Variants in ZNF718 observed in about 807,000 individuals in gnomAD.
ZNF718 encodes zinc finger protein 718.
ZNF718 carries 3 observed loss-of-function variants against 2.6 expected under a neutral mutation model. The ratio of observed to expected loss-of-function variants is 1.16; its 90% CI spans 0.53 to 3.01. ZNF718 has a LOEUF of 3.01. Among genes scored for constraint, ZNF718 ranks in the 30% most tolerant of loss-of-function variants. ZNF718 has a pLI of 0.03. For missense variants in ZNF718, 468 were observed against 230.0 expected (o/e 2.03, Z -6.69); for synonymous variants, 135 against 77.9 (o/e 1.73, Z -3.86).
chr4:157,103 C>CTTTTTTTCTTTTTTT (rs1716606285), intron 3 of ZNF718, among the ~76,000 whole-genome samples: 2 of 103,150 alleles, frequency 1.9e-5, no homozygotes, highest in Non-Finnish European at 3.9e-5. Context: ...TTCTTTCTTT[C>CTTTTTTTCTTTTTTT]TTTTTTTTTT....
At chr4:170,802 T>A (rs962830241) in intron 3 of ZNF718, among the ~76,000 whole-genome samples, 36 of 152,278 alleles carry the variant, frequency 2.4e-4, no homozygotes, top group Non-Finnish European at 3.8e-4. Flanking sequence ...ACTTCCTCCT[T>A]TAGTTCGGAG....
chr4:155,262 G>T (rs1314530457), intron 3 of ZNF718, among the ~76,000 whole-genome samples: 2 of 152,284 alleles, frequency 1.3e-5, no homozygotes, highest in Middle Eastern at 3.4e-3. Context: ...GTCCCCACTG[G>T]GGCACTGCCT....
intron 3 of ZNF718, among the ~76,000 whole-genome samples, chr4:160,528 G>T (rs1250654256): frequency 6.6e-6 from 1 of 152,054 alleles, no homozygotes; most frequent in African/African-American, 2.4e-5. Context: ...TATTAGATTT[G>T]TAAAGTATAT....
chr4:131,425 A>T lies in ZNF718; in HGVS notation c.146A>T (p.Asn49Ile). 1.9e-6 allele frequency: 1 copy of T among 518,182 alleles called. No homozygotes were observed. The highest frequency in any genetic ancestry group is 3.0e-6 in the Non-Finnish European group (1 of 331,876). 32.1% of individuals were successfully genotyped at this position (518,182 alleles called of 1,614,324 possible). Residue 49 changes from asparagine (N) to isoleucine (I), a missense_variant, in exon 3 of 4, where the codon AAC becomes ATC. Asn to Ile is a moderately radical substitution (Grantham distance 149). Transcript: ENST00000510175. ...NLVSLGVSIS[N>I]PDLVTSLEQR... ...AATAAAACAGGTGTTAGTATCTCTA[A>T]CCCAGACCTGGTCACCAGTCTGGAG...
At chr4:138,887 A>T (rs1312403263) in intron 3 of ZNF718, among the ~76,000 whole-genome samples, 1 of 152,148 alleles carries the variant, frequency 6.6e-6, no homozygotes, top group Non-Finnish European at 1.5e-5. Flanking sequence ...TCTGATGATA[A>T]ATAATGTTGA....
chr4:161,540 T>G lies in ZNF718; in HGVS notation c.855T>G (p.Cys285Trp). 1.3e-6 allele frequency: 1 copy of G among 780,830 alleles called. No homozygotes were observed. The highest frequency in any genetic ancestry group is 2.4e-6 in the Non-Finnish European group (1 of 417,988). 48.4% of individuals were successfully genotyped at this position (780,830 alleles called of 1,614,324 possible). A position where few individuals can be genotyped will look rare whatever the true frequency, so the allele number is the denominator to read the frequency against. Residue 285 changes from cysteine to tryptophan, a missense_variant, in exon 4 of 4, where the codon TGT becomes TGG. Physicochemically the swap from Cys to Trp is radical, Grantham distance 215. Coordinates refer to ENST00000510175, the MANE Select transcript of ZNF718 (RefSeq NM_001039127.6). The part of the protein sequence containing the change: ...RIHSAQKYYK[C>W]EECGKAFKWS... Reference sequence around the variant, plus strand: ...ATTCTGCACAAAAATACTACAAATGTGAAGAATGTGGTAAAGCCTTTAAGT... The same window carrying G: ...ATTCTGCACAAAAATACTACAAATGGGAAGAATGTGGTAAAGCCTTTAAGT...
intron 3 of ZNF718, among the ~76,000 whole-genome samples, chr4:147,985 G>A (rs981217946): frequency 6.6e-6 from 1 of 152,180 alleles, no homozygotes; most frequent in Non-Finnish European, 1.5e-5. Context: ...CATTGGACAG[G>A]TTCCTGGAAG....
intron 3 of ZNF718, among the ~76,000 whole-genome samples, chr4:159,024 TC>T (rs200132237): frequency 1.4e-5 from 2 of 147,476 alleles, no homozygotes; most frequent in African/African-American, 5.3e-5. Flanking sequence ...TAGGAGCTAT[TC>T]TTTTTTTCTT....
chr4:189,557 T>C (rs1225925248), intron 3 of ZNF718, among the ~76,000 whole-genome samples: 1 of 152,200 alleles, frequency 6.6e-6, no homozygotes, highest in African/African-American at 2.4e-5. Context: ...TAGTTTTTTA[T>C]ACAACACTAT....
chr4:187,122 C>A (rs961528951), intron 3 of ZNF718, among the ~76,000 whole-genome samples: 2 of 152,016 alleles, frequency 1.3e-5, no homozygotes, highest in South Asian at 4.2e-4. Context: ...GTTTGTTTTT[C>A]TTTTAATCAT....
At chr4:191,026 AGAC>A (rs1717682580) in intron 3 of ZNF718, among the ~76,000 whole-genome samples, 1 of 152,068 alleles carries the variant, frequency 6.6e-6, no homozygotes, top group Non-Finnish European at 1.5e-5. Flanking sequence ...TGACAGAGCA[AGAC>A]TCCATCTCAA....
intron 3 of ZNF718, among the ~76,000 whole-genome samples, chr4:146,728 A>G (rs11732336): frequency 0.19 from 28,057 of 151,414 alleles, 2,786 homozygotes; most frequent in Admixed American, 0.26. Context: ...CATTTTTAAA[A>G]AATTTCTAAT....
chr4:170,130 A>G (rs1216835510), intron 3 of ZNF718, among the ~76,000 whole-genome samples: 2 of 152,204 alleles, frequency 1.3e-5, no homozygotes, highest in Non-Finnish European at 2.9e-5. Flanking sequence ...TGGATATGAA[A>G]TTCTAAATTG....
At chr4:171,228 C>G (rs1717220421) in intron 3 of ZNF718, among the ~76,000 whole-genome samples, 1 of 152,118 alleles carries the variant, frequency 6.6e-6, no homozygotes, top group Non-Finnish European at 1.5e-5. Flanking sequence ...GAGTACCCAG[C>G]CATGTGAGGT....
At chr4:176,190 C>T (rs1717343118) in intron 3 of ZNF718, among the ~76,000 whole-genome samples, 1 of 152,130 alleles carries the variant, frequency 6.6e-6, no homozygotes, top group African/African-American at 2.4e-5. Flanking sequence ...TCCTATGCCT[C>T]AACCCAGCTG....
intron 3 of ZNF718, among the ~76,000 whole-genome samples, chr4:155,552 A>G (rs914787650): frequency 6.6e-6 from 1 of 152,204 alleles, no homozygotes; most frequent in Non-Finnish European, 1.5e-5. Flanking sequence ...TTGGCCTTGC[A>G]TGGGGCCTCT....
At chr4:174,495 G>A (rs1392207488) in intron 3 of ZNF718, among the ~76,000 whole-genome samples, 1 of 152,146 alleles carries the variant, frequency 6.6e-6, no homozygotes, top group Non-Finnish European at 1.5e-5. Flanking sequence ...ATCTCCATCA[G>A]CTGTGCAAAA....
intron 3 of ZNF718, among the ~76,000 whole-genome samples, chr4:191,788 A>AGCTCCCAAGATGGTGGCAGGCT (rs1717697844): frequency 6.6e-6 from 1 of 152,144 alleles, no homozygotes; most frequent in African/African-American, 2.4e-5. Flanking sequence ...TTGTTCTTAG[A>AGCTCCCAAGATGGTGGCAGGCT]GCTCCCAAGA....
intron 3 of ZNF718, among the ~76,000 whole-genome samples, chr4:146,820 T>A (rs1716088634): frequency 6.6e-6 from 1 of 151,876 alleles, no homozygotes; most frequent in South Asian, 2.1e-4. Flanking sequence ...TTCTCTTAAA[T>A]TTTTCAGTTC....
Sources: allele counts gnomAD v4.1 joint callset (sites outside exome capture counted in the v4.1 genomes callset), GRCh38; gene constraint gnomAD v4.1.1; transcripts MANE v1.5; gene names NCBI Gene and HGNC (gene_info 2026-07-23, HGNC 2026-07-21).